AK9: variants seen among roughly 807,000 people sequenced by gnomAD.
AK9 encodes the protein adenylate kinase 9.
Under a neutral mutation model 239.6 loss-of-function variants are expected in AK9, and 191 were observed. The ratio of observed to expected loss-of-function variants is 0.80; its 90% CI spans 0.71 to 0.90. The LOEUF (loss-of-function observed/expected upper bound fraction) is 0.90, where lower values mean the gene tolerates loss of function less well. Ranked by LOEUF, AK9 falls within the 40% of genes least tolerant of loss-of-function variation. The pLI is 0.00. For synonymous variants in AK9, 689 were observed against 721.0 expected (o/e 0.96, Z 0.71); for missense variants, 1,995 against 2,214.7 (o/e 0.90, Z 1.99).
At chr6:109,676,807 C>T (rs1244069997) in intron 1 of AK9, among the ~76,000 whole-genome samples, 2 of 152,016 alleles carry the variant, frequency 1.3e-5, no homozygotes, top group African/African-American at 4.8e-5. Context: ...ATGCTCATCA[C>T]AACACTACTC....
In AK9 at chr6:109,675,655, C is replaced by T; in HGVS notation, c.91G>A (p.Val31Ile). Reference sequence around the variant, plus strand: ...GGTTTCCCAAATACAACAAAGCAAACAGGTTTGGACAACAAAAAATTCCTT... The same window carrying T: ...GGTTTCCCAAATACAACAAAGCAAATAGGTTTGGACAACAAAAAATTCCTT... ...TERNFLLSKPVCFVVFGKPGV... is the reference protein window; with the variant it reads ...TERNFLLSKPICFVVFGKPGV... Residue 31 changes from valine to isoleucine, a missense_variant, in exon 2 of 41, where the codon GTT (valine) becomes ATT (isoleucine). Around this residue, in one of 5 missense-constraint regions of AK9, gnomAD observed 252 missense variants for 246.4 expected, o/e 1.02. Transcript: ENST00000424296. The T allele has an allele frequency of 6.4e-7, 1 of 1,572,656 alleles. No homozygotes were observed. Among genetic ancestry groups the T allele is most frequent in the Non-Finnish European group, 8.6e-7 (1 of 1,160,958 alleles).
Position 109,499,046 on chromosome 6 carries a change from T to G in AK9, c.5044A>C (p.Asn1682His). 1 of 1,505,626 alleles carries G rather than the reference T, an allele frequency of 6.6e-7. No homozygotes were observed. Among genetic ancestry groups the G allele is most frequent in the Non-Finnish European group, 8.9e-7 (1 of 1,122,220 alleles). The allele number at this position is 1,505,626 out of a possible 1,614,324, so 93.3% of individuals were successfully genotyped here. A position where few individuals can be genotyped will look rare whatever the true frequency, so the allele number is the denominator to read the frequency against. ...YYKMSSQEKLNKFLENPELYV... is the reference protein window; with the variant it reads ...YYKMSSQEKLHKFLENPELYV... The stretch of plus-strand genomic sequence containing the variant: ...TTTGGAGTTAGGAACAAACTTACAT[T>G]CAGTTTTTCCTGAGAACTCATTTTA... Residue 1682 changes from asparagine to histidine, a missense_variant and splice_region_variant, in exon 36 of 41, where the codon AAT becomes CAT. By Grantham distance (68) the Asn-to-His change is moderately conservative. Coordinates refer to ENST00000424296, the MANE Select transcript of AK9 (RefSeq NM_001145128.3).
intron 29 of AK9, chr6:109,528,681 G>A: frequency 2.1e-6 from 1 of 473,738 alleles, no homozygotes; most frequent in Non-Finnish European, 4.2e-6. Flanking sequence ...TTCACACCAG[G>A]GTGACATGTG....
At chr6:109,660,841 T>A in intron 6 of AK9, 1 of 368,494 alleles carries the variant, frequency 2.7e-6, no homozygotes, top group South Asian at 2.5e-5. Context: ...CCTGAGAATT[T>A]GCATTTCTAC....
intron 20 of AK9, among the ~76,000 whole-genome samples, chr6:109,578,431 C>T (rs1415090601): frequency 6.6e-6 from 1 of 152,140 alleles, no homozygotes; most frequent in African/African-American, 2.4e-5. Flanking sequence ...GTTAATCTCA[C>T]TAATGATCTA....
At chr6:109,576,118 T>G (rs942987717) in intron 20 of AK9, among the ~76,000 whole-genome samples, 1 of 152,132 alleles carries the variant, frequency 6.6e-6, no homozygotes, top group African/African-American at 2.4e-5. Flanking sequence ...TGCCTATAGA[T>G]TTGTTCTTTT....
At chr6:109,611,616 C>T (rs1036559067) in intron 16 of AK9, among the ~76,000 whole-genome samples, 7 of 152,176 alleles carry the variant, frequency 4.6e-5, no homozygotes, top group African/African-American at 1.7e-4. Flanking sequence ...TCACACTTGG[C>T]TGACTCAGCT....
chr6:109,684,021 A>T (rs528295037), intron 1 of AK9, among the ~76,000 whole-genome samples: 3 of 152,342 alleles, frequency 2.0e-5, no homozygotes, highest in African/African-American at 7.2e-5. Flanking sequence ...ACAGTAACTA[A>T]AACAGCATGG....
intron 2 of AK9, among the ~76,000 whole-genome samples, chr6:109,675,189 G>A (rs1771527507): frequency 6.6e-6 from 1 of 152,128 alleles, no homozygotes; most frequent in Non-Finnish European, 1.5e-5. Context: ...AGTTTCATAT[G>A]CAAATCAAGT....
chr6:109,558,279 C>T (rs1298793208), intron 24 of AK9, among the ~76,000 whole-genome samples: 4 of 151,994 alleles, frequency 2.6e-5, no homozygotes, highest in Admixed American at 6.6e-5. Flanking sequence ...ATGGATTCTG[C>T]TTTTGGTGTC....
In AK9 at chr6:109,563,654, T is replaced by G. The variant is rs1786067087; in HGVS notation, c.2694A>C (p.Glu898Asp). 4 of 1,550,762 alleles carry G rather than the reference T, an allele frequency of 2.6e-6. No homozygotes were observed. Among genetic ancestry groups the G allele is most frequent in the Non-Finnish European group, 3.5e-6 (4 of 1,146,096 alleles). Reference protein sequence around the residue: ...LTGEDYEEETEDYQTEAEVDE... With the variant: ...LTGEDYEEETDDYQTEAEVDE... ...CAACCTCTGCTTCAGTCTGGTAGTCTTCTGTTTCTTCCTCATAATCTTCCC... is the reference window on the plus strand; with the variant it reads ...CAACCTCTGCTTCAGTCTGGTAGTCGTCTGTTTCTTCCTCATAATCTTCCC... The change falls in exon 24 of 41, where the codon GAA becomes GAC. Residue 898 changes from glutamate (E) to aspartate (D), a missense_variant. Physicochemically the swap from Glu to Asp is conservative, Grantham distance 45 (BLOSUM62 2). Coordinates refer to ENST00000424296, the MANE Select transcript of AK9 (RefSeq NM_001145128.3).
chr6:109,659,031 G>A (rs1178730700), intron 7 of AK9, among the ~76,000 whole-genome samples, 197 bp downstream of exon 7: 3 of 152,046 alleles, frequency 2.0e-5, no homozygotes, highest in East Asian at 1.9e-4. Context: ...CTGACAGGAA[G>A]GCTAAACTTG....
At chr6:109,618,441 CA>C (rs1469232941) in intron 13 of AK9, among the ~76,000 whole-genome samples, 2 of 133,186 alleles carry the variant, frequency 1.5e-5, no homozygotes, top group South Asian at 4.9e-4. Flanking sequence ...AAAAAAAAAA[CA>C]AAACGCTTTT....
chr6:109,496,918 C>G (rs1056668489), intron 38 of AK9, among the ~76,000 whole-genome samples: 3 of 152,118 alleles, frequency 2.0e-5, no homozygotes, highest in Non-Finnish European at 4.4e-5. Flanking sequence ...TATGAGGACA[C>G]AAACTGTGTA....
At chr6:109,566,333 C>T (rs1312879358) in intron 21 of AK9, among the ~76,000 whole-genome samples, 1 of 151,888 alleles carries the variant, frequency 6.6e-6, no homozygotes, top group Non-Finnish European at 1.5e-5. Context: ...CTGCTTCATC[C>T]AAGAATAAGT....
intron 1 of AK9, among the ~76,000 whole-genome samples, chr6:109,682,658 A>T (rs1450819706): frequency 6.6e-6 from 1 of 152,166 alleles, no homozygotes; most frequent in Non-Finnish European, 1.5e-5. Flanking sequence ...GAAGAAATGG[A>T]TAAATACCTG....
chr6:109,567,717 A>G (rs1462326990), intron 21 of AK9, among the ~76,000 whole-genome samples: 1 of 120,038 alleles, frequency 8.3e-6, no homozygotes, highest in Non-Finnish European at 1.6e-5. Context: ...GGAACATCAC[A>G]CACTGGGGCC....
At chr6:109,665,674 C>T (rs1428759305) in intron 5 of AK9, among the ~76,000 whole-genome samples, 2 of 152,246 alleles carry the variant, frequency 1.3e-5, no homozygotes, top group African/African-American at 4.8e-5. Flanking sequence ...AACGGGACTG[C>T]ATGCCTAGCT....
chr6:109,642,375 G>T (rs1797561917), intron 9 of AK9, among the ~76,000 whole-genome samples: 1 of 152,202 alleles, frequency 6.6e-6, no homozygotes, highest in Non-Finnish European at 1.5e-5. Context: ...CTGATGGTGT[G>T]TGGTAGCCTG....
Sources: gnomAD v4.1 joint callset for allele counts (sites outside exome capture counted in the v4.1 genomes callset) on GRCh38, gnomAD v4.1.1 for gene constraint, gnomAD v4.1.1 regional missense constraint, MANE v1.5 for transcripts, NCBI Gene and HGNC (gene_info 2026-07-23, HGNC 2026-07-21) for gene names.